The following RFC4 variants were observed in gnomAD, a reference collection of about 807,000 sequenced individuals.
RFC4 encodes the protein A1 37 kDa subunit.
RFC4 carries 38 observed loss-of-function variants against 47.6 expected under a neutral mutation model. The observed-to-expected ratio is 0.80, with a 90% confidence interval of 0.62 to 1.05. RFC4 has a LOEUF of 1.05. Among genes scored for constraint, RFC4 ranks in the 50% least tolerant of loss-of-function variants. RFC4 has a pLI of 0.00. For missense variants in RFC4, 489 were observed against 434.0 expected (o/e 1.13, Z -1.13); for synonymous variants, 164 against 150.0 (o/e 1.09, Z -0.68).
At chr3:186,790,687 A>G (rs1722093054) in intron 8 of RFC4, among the ~76,000 whole-genome samples, 1 of 152,164 alleles carries the variant, frequency 6.6e-6, no homozygotes, top group African/African-American at 2.4e-5. Flanking sequence ...GATGAAGATT[A>G]AGTTTTCCCC....
At chr3:186,800,337 CTTCT>C (rs976833432) in intron 3 of RFC4, among the ~76,000 whole-genome samples, 11 of 152,290 alleles carry the variant, frequency 7.2e-5, no homozygotes, top group African/African-American at 2.6e-4. Context: ...ATAAATTTAA[CTTCT>C]TTCAAAATGT....
At chr3:186,804,106 C>T (rs1165294883) in intron 2 of RFC4, among the ~76,000 whole-genome samples, 10 of 152,010 alleles carry the variant, frequency 6.6e-5, no homozygotes, top group Non-Finnish European at 1.5e-4. Context: ...TCACCTGAAC[C>T]CAGGAGGTGG....
intron 3 of RFC4, 48 bp from the exon 4 acceptor site, chr3:186,797,662 T>C (rs1482857001): frequency 3.8e-6 from 5 of 1,329,444 alleles, no homozygotes; most frequent in East Asian, 2.3e-5. Context: ...CTGGCACAAA[T>C]AGATGAAAAG....
intron 2 of RFC4, among the ~76,000 whole-genome samples, chr3:186,802,823 A>G (rs1372708037): frequency 6.6e-6 from 1 of 152,158 alleles, no homozygotes; most frequent in Non-Finnish European, 1.5e-5. Flanking sequence ...AGCAGATAAC[A>G]AGAGTGAGGA....
intron 4 of RFC4, 92 bp from the exon 5 acceptor site, chr3:186,794,869 C>T (rs1722212030): frequency 2.2e-6 from 3 of 1,388,186 alleles, no homozygotes; most frequent in Admixed American, 2.0e-5. Context: ...GTTTAAAATC[C>T]ACCTAGTAAA....
chr3:186,791,334 T>C (rs753084361), intron 8 of RFC4: 5 of 248,286 alleles, frequency 2.0e-5, no homozygotes, highest in East Asian at 9.3e-5. Context: ...ACTAAAAATA[T>C]ACAAATTAGC....
At position 186,790,553 on chromosome 3, in the gene RFC4, C is replaced by T. The variant is rs903689588; in HGVS notation, c.802-147G>A. The T allele has an allele frequency of 6.0e-6, 4 of 664,918 alleles. No homozygotes were observed. In the Admixed American group the frequency reaches 9.3e-5, roughly 15 times the overall value. The allele number at this position is 664,918 out of a possible 1,614,324, so 41.2% of individuals were successfully genotyped here. ...GAAGGCTTTGGGAGAACGGAAAGGG[C>T]CAGAGTAACTCCAGTCACCACTAAG... On this transcript the variant is annotated intron_variant, in intron 8 of 10. Coordinates refer to ENST00000296273, the MANE Select transcript of RFC4 (RefSeq NM_002916.5).
At chr3:186,798,156 T>C (rs2108471049) in intron 3 of RFC4, among the ~76,000 whole-genome samples, 2 of 152,280 alleles carry the variant, frequency 1.3e-5, no homozygotes, top group East Asian at 3.9e-4. Flanking sequence ...TATTAAGTAC[T>C]AGGCACTGCT....
Position 186,794,760 on chromosome 3 carries a change from A to C in RFC4, c.308T>G (p.Leu103Ter). The change falls in exon 5 of 11, where the codon TTA becomes TGA. Residue 103 changes from leucine to a stop codon, truncating the protein, a stop_gained. Transcript: ENST00000296273. LOFTEE classifies it high-confidence loss of function. ...RELFGPELFR[L>*]RVLELNASDE... Reference sequence around the variant, plus strand: ...AGATGCATTTAACTCAAGAACTCTTAATCGGAAAAGTTCAGGCCTATCTCA... The same window carrying C: ...AGATGCATTTAACTCAAGAACTCTTCATCGGAAAAGTTCAGGCCTATCTCA... 6.2e-7 allele frequency: 1 copy of C among 1,613,904 alleles called. No homozygotes were observed. Among genetic ancestry groups the C allele is most frequent in the Non-Finnish European group, 8.5e-7 (1 of 1,179,856 alleles).
chr3:186,792,991 T>G (rs1213380070), intron 5 of RFC4, 44 bp from the exon 6 acceptor site: 2 of 1,554,592 alleles, frequency 1.3e-6, no homozygotes, highest in African/African-American at 1.4e-5. Context: ...AATATGTATA[T>G]TGGTTTTAAC....
chr3:186,803,950 G>A (rs1433956006), intron 2 of RFC4, among the ~76,000 whole-genome samples: 1 of 152,090 alleles, frequency 6.6e-6, no homozygotes, highest in Non-Finnish European at 1.5e-5. Context: ...GGGAAGCCAA[G>A]GCAGGTGGAT....
At chr3:186,791,875 AC>A in intron 7 of RFC4, 25 bp from the exon 8 acceptor site, 1 of 1,592,440 alleles carries the variant, frequency 6.3e-7, no homozygotes. Flanking sequence ...GTTGTTTTTA[AC>A]CTATGATGGC....
chr3:186,792,739 C>T, intron 6 of RFC4, 65 bp downstream of exon 6: 1 of 1,558,056 alleles, frequency 6.4e-7, no homozygotes. Context: ...TCCTAAATTT[C>T]CTTTCCCTAA....
chr3:186,802,008 A>G (rs934110761), intron 2 of RFC4, among the ~76,000 whole-genome samples: 6 of 138,346 alleles, frequency 4.3e-5, no homozygotes, highest in African/African-American at 1.6e-4. Flanking sequence ...GGGTCACAAG[A>G]GCGAAACTTT....
chr3:186,791,584 TG>T, intron 8 of RFC4, 140 bp downstream of exon 8: 1 of 777,868 alleles, frequency 1.3e-6, no homozygotes, highest in South Asian at 1.4e-5. Flanking sequence ...TCAAACACTC[TG>T]ATACTCCCAG....
intron 2 of RFC4, among the ~76,000 whole-genome samples, chr3:186,801,754 C>T (rs892839352): frequency 1.3e-5 from 2 of 148,902 alleles, no homozygotes; most frequent in African/African-American, 5.0e-5. Flanking sequence ...GGGCTGGGTG[C>T]GATGGCTCAC....
intron 2 of RFC4, 146 bp downstream of exon 2, chr3:186,804,437 C>T (rs1199709034): frequency 1.0e-5 from 7 of 697,490 alleles, no homozygotes; most frequent in Non-Finnish European, 1.4e-5. Context: ...GGTTCTATGA[C>T]TTATATAAGT....
chr3:186,790,473 G>GGCCCCCGT, intron 8 of RFC4, 67 bp from the exon 9 acceptor site: 1 of 1,109,658 alleles, frequency 9.0e-7, no homozygotes, highest in Non-Finnish European at 1.4e-6. Context: ...TCTGCCAACT[G>GGCCCCCGT]GCCCCCGTGC....
rs926332321 is a variant in RFC4, at chr3:186,790,488, A to T, written c.802-82T>A. 32 of 965,610 alleles carry T rather than the reference A, an allele frequency of 3.3e-5. No homozygotes were observed. The African/African-American group carries it at 5.1e-4, about 16-fold the overall frequency. The allele number at this position is 965,610 out of a possible 1,614,324, so 59.8% of individuals were successfully genotyped here. On this transcript the variant is annotated intron_variant, in intron 8 of 10. Transcript: ENST00000296273. ...TCTGCCAACTGGCCCCCGTGCCCCC[A>T]GTCATTTCTGTTCCACACCTAAGTT...
Sources: gnomAD v4.1 joint callset for allele counts (sites outside exome capture counted in the v4.1 genomes callset) on GRCh38, gnomAD v4.1.1 for gene constraint, MANE v1.5 for transcripts, NCBI Gene and HGNC (gene_info 2026-07-23, HGNC 2026-07-21) for gene names.